Variants in PNKD observed in about 807,000 individuals in gnomAD.
The protein encoded by PNKD is probable thioesterase PNKD.
Under a neutral mutation model 45.3 loss-of-function variants are expected in PNKD, and 36 were observed. That is an observed-to-expected ratio of 0.80 (90% CI 0.61 to 1.05). The LOEUF is 1.05. Ranked by LOEUF, PNKD falls within the 50% of genes least tolerant of loss-of-function variation. PNKD has a pLI of 0.00. For missense variants in PNKD, 511 were observed against 506.6 expected (o/e 1.01, Z -0.08); for synonymous variants, 197 against 210.1 (o/e 0.94, Z 0.54).
At chr2:218,289,625 G>GAAAAAAAA (rs10675061) in intron 2 of PNKD, among the ~76,000 whole-genome samples, 3 of 87,744 alleles carry the variant, frequency 3.4e-5, no homozygotes, top group Non-Finnish European at 4.2e-5. Context: ...CTGGGCGACA[G>GAAAAAAAA]AAAAAAAAAA....
At chr2:218,275,555 TGTA>T (rs1691107454) in intron 2 of PNKD, 1 of 1,613,874 alleles carries the variant, frequency 6.2e-7, no homozygotes, top group Non-Finnish European at 8.5e-7. Flanking sequence ...GCGCCAGTGA[TGTA>T]GTCCTCGGGG....
chr2:218,315,061 C>CTTTTTTTCTTTCTTT (rs58527927), intron 2 of PNKD, among the ~76,000 whole-genome samples: 1 of 14,824 alleles, frequency 6.7e-5, no homozygotes, highest in Admixed American at 9.9e-4. Flanking sequence ...TTTCTTTCTT[C>CTTTTTTTCTTTCTTT]CTTCCTTCCT....
At chr2:218,277,579 C>T (rs1691355062) in intron 2 of PNKD, 2 of 1,612,678 alleles carry the variant, frequency 1.2e-6, no homozygotes. Context: ...CCAGGAACAC[C>T]CCACTCCCCA....
chr2:218,272,508 C>G (rs1160926893), intron 2 of PNKD: 7 of 1,530,964 alleles, frequency 4.6e-6, no homozygotes, highest in Non-Finnish European at 6.3e-6. Flanking sequence ...ATGACTCCCC[C>G]CAGCTCCTCT....
rs768075145 is a variant in PNKD, at chr2:218,342,163, G to T, written c.781+19G>T. The T allele has an allele frequency of 1.2e-5, 19 of 1,608,916 alleles. No homozygotes were observed. Among genetic ancestry groups the T allele is most frequent in the Non-Finnish European group, 1.5e-5 (18 of 1,178,476 alleles). On this transcript the variant is annotated intron_variant, in intron 7 of 9. Transcript: ENST00000273077. ...GGCTGTGGTGAGTTTCCCCGAAAGA[G>T]AGAGGAGCTGGGAGAGGAGGGAGAG...
intron 8 of PNKD, 79 bp downstream of exon 8, chr2:218,343,665 C>A: frequency 9.3e-7 from 1 of 1,078,450 alleles, no homozygotes; most frequent in Non-Finnish European, 1.4e-6. Flanking sequence ...CCCCTCACTC[C>A]CCTAGAAAGC....
At chr2:218,299,912 C>T (rs185899284) in intron 2 of PNKD, among the ~76,000 whole-genome samples, 66 of 152,202 alleles carry the variant, frequency 4.3e-4, no homozygotes, top group Non-Finnish European at 8.1e-4. Flanking sequence ...TGAGCCACCG[C>T]GCCCGGCTAA....
At chr2:218,291,321 G>A (rs1311277487) in intron 2 of PNKD, among the ~76,000 whole-genome samples, 1 of 152,170 alleles carries the variant, frequency 6.6e-6, no homozygotes, top group Admixed American at 6.5e-5. Flanking sequence ...GAGAGAGGAG[G>A]CAGGTGAGAA....
At chr2:218,303,436 G>A (rs369509014) in intron 2 of PNKD, among the ~76,000 whole-genome samples, 31 of 152,128 alleles carry the variant, frequency 2.0e-4, no homozygotes, top group Non-Finnish European at 3.7e-4. Context: ...GGCTCTGAGC[G>A]GTGAATGGGT....
intron 2 of PNKD, among the ~76,000 whole-genome samples, chr2:218,322,400 A>T (rs1694013894): frequency 6.6e-6 from 1 of 152,140 alleles, no homozygotes; most frequent in Admixed American, 6.5e-5. Flanking sequence ...ATCCATCAGG[A>T]GGGCAGCAGT....
intron 2 of PNKD, chr2:218,286,151 GA>G (rs1337059273): frequency 6.5e-6 from 1 of 152,888 alleles, no homozygotes; most frequent in Non-Finnish European, 1.5e-5. Context: ...GTCCCCACTG[GA>G]AGCCTGAATT....
At chr2:218,295,147 T>C (rs946644044) in intron 2 of PNKD, among the ~76,000 whole-genome samples, 2 of 152,218 alleles carry the variant, frequency 1.3e-5, no homozygotes, top group African/African-American at 4.8e-5. Context: ...AAATAACACC[T>C]GAAGCGCCTG....
chr2:218,289,421 C>T (rs1692777360), intron 2 of PNKD, among the ~76,000 whole-genome samples: 1 of 152,062 alleles, frequency 6.6e-6, no homozygotes, highest in Non-Finnish European at 1.5e-5. Flanking sequence ...CCAGGCGGAT[C>T]ACTTGAGGTC....
intron 2 of PNKD, among the ~76,000 whole-genome samples, chr2:218,296,307 C>T (rs1487961437): frequency 6.6e-6 from 1 of 152,170 alleles, no homozygotes; most frequent in Non-Finnish European, 1.5e-5. Flanking sequence ...GAGTCAAGTC[C>T]ATGGCTGCAG....
intron 2 of PNKD, chr2:218,280,082 T>G (rs1442501986): frequency 6.2e-7 from 1 of 1,614,126 alleles, no homozygotes; most frequent in Non-Finnish European, 8.5e-7. Context: ...GGCCCGAAGC[T>G]ATCACTCACT....
At chr2:218,293,544 T>C (rs945707883) in intron 2 of PNKD, among the ~76,000 whole-genome samples, 2 of 151,154 alleles carry the variant, frequency 1.3e-5, no homozygotes, top group Non-Finnish European at 2.9e-5. Flanking sequence ...CTCATGTTAA[T>C]AGCTATAGGT....
At chr2:218,319,515 A>G (rs966525261) in intron 2 of PNKD, among the ~76,000 whole-genome samples, 10 of 150,542 alleles carry the variant, frequency 6.6e-5, no homozygotes, top group Non-Finnish European at 1.0e-4. Context: ...AGCTGGGATT[A>G]CAGGCACACA....
At chr2:218,272,593 T>A (rs754296379) in intron 2 of PNKD, 1 of 1,614,002 alleles carries the variant, frequency 6.2e-7, no homozygotes, top group African/African-American at 1.3e-5. Context: ...CCTTGTGGTA[T>A]CCTCCTCTTC....
Position 218,326,205 on chromosome 2 carries a change from C to T in PNKD, c.237-13578C>T, listed in dbSNP as rs558402751. On this transcript the variant is annotated intron_variant, in intron 2 of 9. Transcript: ENST00000273077. This position sits in a 1 kb window ranked among gnomAD's most constrained non-coding sequence, Gnocchi z 4.1. ...GCAATGATGGAAACACCAGGCTCAC[C>T]GGGAGGAGAGCTGTTGACCATGTTA... Among the ~76,000 whole-genome samples the T allele has an allele frequency of 1.9e-4, 29 of 152,180 alleles. No individual in the cohort carries two copies. Among genetic ancestry groups the T allele is most frequent in the African/African-American group, 6.0e-4 (25 of 41,530 alleles).
Sources: gnomAD v4.1 joint callset for allele counts (sites outside exome capture counted in the v4.1 genomes callset) on GRCh38, gnomAD v4.1.1 for gene constraint, Gnocchi (gnomAD v3.1) non-coding constraint, MANE v1.5 for transcripts, NCBI Gene and HGNC (gene_info 2026-07-23, HGNC 2026-07-21) for gene names.